The following SLC35E3 variants were observed in gnomAD, a reference collection of about 807,000 sequenced individuals.
SLC35E3 encodes bladder cancer-overexpressed gene 1 protein.
In SLC35E3, 28 loss-of-function variants were observed where a neutral mutation model predicts 30.8. The ratio of observed to expected loss-of-function variants is 0.91; its 90% CI spans 0.67 to 1.25. The LOEUF (loss-of-function observed/expected upper bound fraction) is 1.25. Among genes scored for constraint, SLC35E3 ranks in the 50% most tolerant of loss-of-function variants. The pLI, the probability that SLC35E3 is intolerant of heterozygous loss-of-function variation, is 0.00. For missense variants in SLC35E3, 365 were observed against 375.4 expected, an observed-to-expected ratio of 0.97 and a Z score of 0.23; for synonymous variants, 146 against 149.2, an observed-to-expected ratio of 0.98 and a Z score of 0.16.
chr12:68,774,434 C>T lies in SLC35E3; in HGVS notation c.*9544C>T, dbSNP rs1308872191. On this transcript the variant is annotated 3_prime_UTR_variant, in exon 5 of 5. Transcript: ENST00000398004. The stretch of plus-strand genomic sequence containing the variant: ...GTCTCTACTAAAAATACAAAATTAG[C>T]TGGGCGTAGTGGCTTATGCCTGTAA... 6.6e-6 allele frequency: 1 copy of T among 152,044 alleles called. No individual in the cohort carries two copies. The highest frequency in any genetic ancestry group is 1.5e-5 in the Non-Finnish European group (1 of 68,106). 9.4% of individuals were successfully genotyped at this position (152,044 alleles called of 1,614,324 possible). A position where few individuals can be genotyped will look rare whatever the true frequency, so the allele number is the denominator to read the frequency against.
intron 4 of SLC35E3, among the ~76,000 whole-genome samples, chr12:68,763,368 T>C (rs1879286904): frequency 2.0e-5 from 3 of 151,226 alleles, no homozygotes; most frequent in Admixed American, 2.0e-4. Context: ...TAAGTAATTG[T>C]GTGTGTGTGT....
Position 68,765,006 on chromosome 12 carries a change from CA to C in SLC35E3, c.*117del. The C allele has an allele frequency of 1.0e-6, 1 of 996,184 alleles. No homozygotes were observed. Among genetic ancestry groups the C allele is most frequent in the South Asian group, 1.7e-5 (1 of 57,670 alleles). The allele number at this position is 996,184 out of a possible 1,614,324, so 61.7% of individuals were successfully genotyped here. On this transcript the variant is annotated 3_prime_UTR_variant, in exon 5 of 5. Transcript: ENST00000398004. ...GCACGGTGGCTCACGCCTGTAATCC[CA>C]GCACTTTGGGAGGCCAAGGCCAGCG...
chr12:68,760,854 A>T (rs1024924379), intron 4 of SLC35E3, among the ~76,000 whole-genome samples: 2 of 152,344 alleles, frequency 1.3e-5, no homozygotes, highest in South Asian at 2.1e-4. Context: ...ATATTTATAT[A>T]CAGTGTTGGA....
chr12:68,750,661 G>A (rs183758066), intron 2 of SLC35E3, among the ~76,000 whole-genome samples: 6 of 152,300 alleles, frequency 3.9e-5, no homozygotes, highest in East Asian at 1.9e-4. Context: ...GAAGACACGC[G>A]GCTGCCTGAA....
Position 68,772,189 on chromosome 12 carries a change from C to G in SLC35E3, c.*7299C>G, listed in dbSNP as rs1879620114. The G allele has an allele frequency of 6.6e-6, 1 of 152,040 alleles. No individual in the cohort carries two copies. Among genetic ancestry groups the G allele is most frequent in the Admixed American group, 6.6e-5 (1 of 15,232 alleles). 9.4% of individuals were successfully genotyped at this position (152,040 alleles called of 1,614,324 possible). A position where few individuals can be genotyped will look rare whatever the true frequency, so the allele number is the denominator to read the frequency against. Reference sequence around the variant, plus strand: ...AGTAGCTGAGATTACAGGCACCCACCATCATGCCCAGCTAATTTTTTGTAT... The same window carrying G: ...AGTAGCTGAGATTACAGGCACCCACGATCATGCCCAGCTAATTTTTTGTAT... On this transcript the variant is annotated 3_prime_UTR_variant, in exon 5 of 5. Transcript: ENST00000398004.
At position 68,774,493 on chromosome 12, in the gene SLC35E3, C is replaced by T. The variant is rs141428786; in HGVS notation, c.*9603C>T. 1,373 of 152,156 alleles carry T rather than the reference C, an allele frequency of 9.0e-3. 14 individuals are homozygous for T. The highest frequency in any genetic ancestry group is 0.021 in the South Asian group (101 of 4,808). The allele number at this position is 152,156 out of a possible 1,614,324, so 9.4% of individuals were successfully genotyped here. ...ACTCGGCAGGCTGAGACAGGAGAAT[C>T]GCTTGAACCAGGGAGGCAGAGGTTG... is the stretch of plus-strand genomic sequence containing the variant. On this transcript the variant is annotated 3_prime_UTR_variant, in exon 5 of 5. Coordinates refer to ENST00000398004, the MANE Select transcript of SLC35E3 (RefSeq NM_018656.5).
chr12:68,753,483 A>G lies in SLC35E3; in HGVS notation c.672+1293A>G, dbSNP rs142609595. On this transcript the variant is annotated intron_variant, in intron 3 of 4. Coordinates refer to ENST00000398004, the MANE Select transcript of SLC35E3 (RefSeq NM_018656.5). The stretch of plus-strand genomic sequence containing the variant: ...AAAAAACCAAACCAAAACAACAACA[A>G]CAAAAGAAAGTGAAGGGCCTCTGGA... Among the ~76,000 whole-genome samples the G allele has an allele frequency of 2.9e-3, 446 of 151,866 alleles. 3 individuals are homozygous for G. Among genetic ancestry groups the G allele is most frequent in the African/African-American group, 0.01 (434 of 41,464 alleles).
intron 3 of SLC35E3, among the ~76,000 whole-genome samples, chr12:68,758,693 G>T (rs917032155): frequency 7.5e-6 from 1 of 133,044 alleles, no homozygotes; most frequent in African/African-American, 2.8e-5. Flanking sequence ...TTTTTTACTT[G>T]CAATTCTTAC....
At chr12:68,750,659 G>A (rs1170670740) in intron 2 of SLC35E3, among the ~76,000 whole-genome samples, 2 of 152,218 alleles carry the variant, frequency 1.3e-5, no homozygotes, top group Non-Finnish European at 1.5e-5. Context: ...GCGAAGACAC[G>A]CGGCTGCCTG....
Position 68,764,859 on chromosome 12 carries a change from G to A in SLC35E3, c.911G>A (p.Gly304Glu). 6.2e-7 allele frequency: 1 copy of A among 1,614,088 alleles called. No individual in the cohort carries two copies. The change falls in exon 5 of 5, where the codon GGA (glycine) becomes GAA (glutamate). Residue 304 changes from glycine (G) to glutamate (E), a missense_variant. Transcript: ENST00000398004. Reference protein sequence around the residue: ...YTHFKLSEQEGSRSKLAQRP With the variant: ...YTHFKLSEQEESRSKLAQRP ...CACTTTAAGCTCAGTGAACAGGAAGGAAGTAGGAGTAAACTGGCACAACGT... is the reference window on the plus strand; with the variant it reads ...CACTTTAAGCTCAGTGAACAGGAAGAAAGTAGGAGTAAACTGGCACAACGT...
chr12:68,756,170 A>G (rs1407917250), intron 3 of SLC35E3, among the ~76,000 whole-genome samples: 2 of 152,078 alleles, frequency 1.3e-5, no homozygotes, highest in African/African-American at 4.8e-5. Context: ...TCCACTTTGC[A>G]AAAGTCCTAG....
rs138798071 is a variant in SLC35E3 at position 68,769,965 on chromosome 12, A to G, written c.*5075A>G. 6.6e-6 allele frequency: 1 copy of G among 152,366 alleles called. No individual in the cohort carries two copies. The highest frequency in any genetic ancestry group is 1.5e-5 in the Non-Finnish European group (1 of 68,038). 9.4% of individuals were successfully genotyped at this position (152,366 alleles called of 1,614,324 possible). A position where few individuals can be genotyped will look rare whatever the true frequency, so the allele number is the denominator to read the frequency against. The stretch of plus-strand genomic sequence containing the variant: ...ACAAGAATAATTAAACAGCAAACTC[A>G]ATGAATGCTAAAGGGAACATCGTTC... On this transcript the variant is annotated 3_prime_UTR_variant, in exon 5 of 5. Coordinates refer to ENST00000398004, the MANE Select transcript of SLC35E3 (RefSeq NM_018656.5).
chr12:68,753,931 A>G (rs1280411891), intron 3 of SLC35E3, among the ~76,000 whole-genome samples: 3 of 151,870 alleles, frequency 2.0e-5, no homozygotes, highest in African/African-American at 7.3e-5. Flanking sequence ...GGCTCACTGC[A>G]AACTCCGCCT....
chr12:68,768,768 T>A lies in SLC35E3; in HGVS notation c.*3878T>A, dbSNP rs1333976533. 1 of 152,372 alleles carries A rather than the reference T, an allele frequency of 6.6e-6. No individual in the cohort carries two copies. Among genetic ancestry groups the A allele is most frequent in the East Asian group, 1.9e-4 (1 of 5,196 alleles). 9.4% of individuals were successfully genotyped at this position (152,372 alleles called of 1,614,324 possible). On this transcript the variant is annotated 3_prime_UTR_variant, in exon 5 of 5. Transcript: ENST00000398004. ...GCTGACGTGTTCAGCTGTTCATATT[T>A]GGCCTGTCCAAATAAGCAGAAATGA...
intron 2 of SLC35E3, among the ~76,000 whole-genome samples, chr12:68,750,474 A>G (rs1422966508): frequency 6.6e-6 from 1 of 152,116 alleles, no homozygotes; most frequent in Non-Finnish European, 1.5e-5. Context: ...TCCAAGCAAA[A>G]CTTGCAGGTT....
chr12:68,764,639 G>C, intron 4 of SLC35E3, 65 bp from the exon 5 acceptor site: 2 of 1,506,152 alleles, frequency 1.3e-6, no homozygotes, highest in Admixed American at 3.5e-5. Flanking sequence ...TATGCAGTGC[G>C]AGTGTGTGTG....
rs759325781 is a variant in SLC35E3, at chr12:68,752,165, T to C, written c.647T>C (p.Phe216Ser). The C allele has an allele frequency of 5.6e-6, 9 of 1,613,072 alleles. No homozygotes were observed. Among genetic ancestry groups the C allele is most frequent in the Non-Finnish European group, 7.6e-6 (9 of 1,179,740 alleles). Reference sequence around the variant, plus strand: ...CCAGTGTTTGGAGAAGGAGGAATATTTGGTCCCTGGTCAGTTTCTGCTTTG... The same window carrying C: ...CCAGTGTTTGGAGAAGGAGGAATATCTGGTCCCTGGTCAGTTTCTGCTTTG... ...FEPVFGEGGI[F>S]GPWSVSALLM... The change falls in exon 3 of 5, where the codon TTT (phenylalanine) becomes TCT (serine). Residue 216 changes from phenylalanine (F) to serine (S), a missense_variant. Transcript: ENST00000398004.
Position 68,746,483 on chromosome 12 carries a change from T to C in SLC35E3, c.106T>C (p.Tyr36His), listed in dbSNP as rs1221984596. 2 of 1,614,228 alleles carry C rather than the reference T, an allele frequency of 1.2e-6. No homozygotes were observed. Among genetic ancestry groups the C allele is most frequent in the South Asian group, 2.2e-5 (2 of 91,080 alleles). The change falls in exon 1 of 5, where the codon TAT becomes CAT. Residue 36 changes from tyrosine to histidine, a missense_variant. Transcript: ENST00000398004. Reference protein sequence around the residue: ...ICIVFLNKWIYVYHGFPNMSL... With the variant: ...ICIVFLNKWIHVYHGFPNMSL... ...CATTGTGTTCCTCAACAAATGGATT[T>C]ATGTGTACCACGGCTTCCCCAACAT...
intron 2 of SLC35E3, among the ~76,000 whole-genome samples, chr12:68,748,560 T>A (rs1004345168): frequency 3.3e-5 from 5 of 152,056 alleles, no homozygotes; most frequent in Non-Finnish European, 7.4e-5. Context: ...TATAGAGTAA[T>A]TTATATTAAT....
Sources: gnomAD v4.1 joint callset for allele counts (sites outside exome capture counted in the v4.1 genomes callset) on GRCh38, gnomAD v4.1.1 for gene constraint, MANE v1.5 for transcripts, NCBI Gene and HGNC (gene_info 2026-07-23, HGNC 2026-07-21) for gene names.